The following RBL1 variants were observed in gnomAD, a reference collection of about 807,000 sequenced individuals.
The protein encoded by RBL1 is retinoblastoma-like protein 1.
A neutral mutation model predicts 123.0 loss-of-function variants in RBL1; 82 were observed. That is an observed-to-expected ratio of 0.67 (90% CI 0.56 to 0.80). The LOEUF is 0.80. RBL1 is among the 30% of genes least tolerant of loss of function. RBL1 has a pLI of 0.00. For synonymous variants in RBL1, 405 were observed against 441.3 expected (o/e 0.92, Z 1.03); for missense variants, 1,171 against 1,299.6 (o/e 0.90, Z 1.52).
chr20:37,071,640 C>T (rs1335920093), intron 2 of RBL1, among the ~76,000 whole-genome samples: 1 of 152,054 alleles, frequency 6.6e-6, no homozygotes, highest in Non-Finnish European at 1.5e-5. Flanking sequence ...AGAGTGAAAG[C>T]CCGTCTCAAA....
In RBL1 at chr20:37,022,824, G is replaced by T; in HGVS notation, c.2385C>A (p.Val795=). 1 of 1,602,810 alleles carries T rather than the reference G, an allele frequency of 6.2e-7. No individual in the cohort carries two copies. The highest frequency in any genetic ancestry group is 1.1e-5 in the South Asian group (1 of 90,258). Residue 795 remains valine, a splice_region_variant and synonymous_variant, in exon 17 of 22, where the codon GTC becomes GTA. Coordinates refer to ENST00000373664, the MANE Select transcript of RBL1 (RefSeq NM_002895.5). ...TGSLALFYRK[V]YHLASVRLRD... ...GTAAGCGTACACTTGCCAAATGATA[G>T]ACCTAAAATAGAAGGTAACACATTG...
intron 6 of RBL1, among the ~76,000 whole-genome samples, chr20:37,066,134 G>C (rs1600566113): frequency 6.6e-6 from 1 of 152,324 alleles, no homozygotes; most frequent in East Asian, 1.9e-4. Flanking sequence ...GAGAAATCTT[G>C]AGGCTTAACT....
At chr20:37,091,830 T>C (rs2065651224) in intron 1 of RBL1, among the ~76,000 whole-genome samples, 1 of 152,088 alleles carries the variant, frequency 6.6e-6, no homozygotes, top group Non-Finnish European at 1.5e-5. Context: ...TAGAAATGGG[T>C]GGCCATCAAT....
intron 11 of RBL1, among the ~76,000 whole-genome samples, chr20:37,050,808 T>C (rs765847129): frequency 6.6e-6 from 1 of 151,776 alleles, no homozygotes; most frequent in African/African-American, 2.4e-5. Context: ...GTAAGATACA[T>C]TTTTATAAAT....
intron 3 of RBL1, 27 bp from the exon 4 acceptor site, chr20:37,067,324 G>T: frequency 6.6e-7 from 1 of 1,514,246 alleles, no homozygotes; most frequent in Non-Finnish European, 9.0e-7. Context: ...ATTACTTTTT[G>T]TCTGACTAGC....
intron 14 of RBL1, among the ~76,000 whole-genome samples, chr20:37,038,394 C>G (rs1208600584): frequency 6.7e-6 from 1 of 150,348 alleles, no homozygotes; most frequent in Non-Finnish European, 1.5e-5. Flanking sequence ...CTCTGCCTCC[C>G]AGGTTCAAGT....
intron 9 of RBL1, among the ~76,000 whole-genome samples, chr20:37,058,978 C>G (rs958331690): frequency 6.6e-6 from 1 of 152,206 alleles, no homozygotes. Context: ...AACTGATCCT[C>G]TCGCCTCAGC....
At chr20:37,027,563 A>C (rs2064446035) in intron 16 of RBL1, among the ~76,000 whole-genome samples, 1 of 152,164 alleles carries the variant, frequency 6.6e-6, no homozygotes, top group Admixed American at 6.5e-5. Flanking sequence ...TTTGGTTATA[A>C]ATATCTGATT....
chr20:37,066,587 G>C (rs949700766), intron 6 of RBL1, 137 bp downstream of exon 6: 1 of 741,310 alleles, frequency 1.3e-6, no homozygotes, highest in Admixed American at 3.0e-5. Context: ...AGGAAATTCT[G>C]AATCACAGTA....
At chr20:37,039,797 A>G (rs902377310) in intron 14 of RBL1, among the ~76,000 whole-genome samples, 1 of 151,980 alleles carries the variant, frequency 6.6e-6, no homozygotes, top group Non-Finnish European at 1.5e-5. Context: ...GCTGGGTTCA[A>G]ACACAATCCT....
Position 37,022,695 on chromosome 20 carries a change from CCTGT to C in RBL1, c.2510_2513del (p.Asp837GlyfsTer17). 6.2e-7 allele frequency: 1 copy of C among 1,613,144 alleles called. No individual in the cohort carries two copies. Among genetic ancestry groups the C allele is most frequent in the South Asian group, 1.1e-5 (1 of 90,982 alleles). On this transcript the variant is annotated frameshift_variant, in exon 17 of 22. Coordinates refer to ENST00000373664, the MANE Select transcript of RBL1 (RefSeq NM_002895.5). LOFTEE classifies it high-confidence loss of function. ...CACAAAGGAGGAGCTGATCCAAATG[CCTGT>C]CTTTCATTAGATCAGGACAGTGAAC... is the stretch of plus-strand genomic sequence containing the variant.
At chr20:37,005,032 C>T (rs909145677) in intron 20 of RBL1, among the ~76,000 whole-genome samples, 1 of 151,884 alleles carries the variant, frequency 6.6e-6, no homozygotes, top group African/African-American at 2.4e-5. Flanking sequence ...CAGAGTGAGA[C>T]TCTGTCTCAA....
intron 9 of RBL1, among the ~76,000 whole-genome samples, chr20:37,056,962 A>G (rs2065018082): frequency 6.6e-6 from 1 of 152,010 alleles, no homozygotes; most frequent in Admixed American, 6.6e-5. Context: ...ATAAGGCTGA[A>G]TAATATTCCA....
At chr20:37,048,865 C>T (rs952804513) in intron 11 of RBL1, among the ~76,000 whole-genome samples, 1 of 143,890 alleles carries the variant, frequency 6.9e-6, no homozygotes, top group African/African-American at 2.6e-5. Context: ...GGAGTTTTGA[C>T]ACTAGCCTGA....
intron 2 of RBL1, among the ~76,000 whole-genome samples, chr20:37,073,056 A>G (rs2065306401): frequency 6.6e-6 from 1 of 152,118 alleles, no homozygotes; most frequent in Non-Finnish European, 1.5e-5. Flanking sequence ...GGCTCAAGCA[A>G]TCGATCCTCC....
At chr20:37,077,690 G>T (rs1362163222) in intron 2 of RBL1, among the ~76,000 whole-genome samples, 1 of 149,802 alleles carries the variant, frequency 6.7e-6, no homozygotes, top group Non-Finnish European at 1.5e-5. Context: ...GATAATCCTA[G>T]TTATTGCAAT....
At chr20:37,022,015 A>G (rs1277734760) in intron 17 of RBL1, 3 of 152,188 alleles carry the variant, frequency 2.0e-5, no homozygotes, top group African/African-American at 7.2e-5. Flanking sequence ...TGCTGCAGTA[A>G]CAATTATTAA....
Position 37,062,815 on chromosome 20 carries a change from C to T in RBL1, c.897-545G>A, listed in dbSNP as rs578148715. On this transcript the variant is annotated intron_variant, in intron 7 of 21. Transcript: ENST00000373664. ...CTAAAAATACAAAAAATTAGCCGGG[C>T]GTGGTGGCGGGCGCCTGTAGTCCCA... Among the ~76,000 whole-genome samples the T allele has an allele frequency of 5.1e-4, 77 of 152,044 alleles. No individual in the cohort carries two copies. In the South Asian group the frequency reaches 0.015, roughly 30 times the overall value.
At chr20:37,008,072 G>C (rs893689956) in intron 19 of RBL1, among the ~76,000 whole-genome samples, 2 of 152,210 alleles carry the variant, frequency 1.3e-5, no homozygotes, top group Non-Finnish European at 2.9e-5. Flanking sequence ...TGAAGGTGGT[G>C]CTCTTTTCTC....
Sources: gnomAD v4.1 joint callset for allele counts (sites outside exome capture counted in the v4.1 genomes callset) on GRCh38, gnomAD v4.1.1 for gene constraint, MANE v1.5 for transcripts, NCBI Gene and HGNC (gene_info 2026-07-23, HGNC 2026-07-21) for gene names.